EVA1C: variants seen among roughly 807,000 people sequenced by gnomAD.
EVA1C encodes protein eva-1 homolog C.
In EVA1C, 25 loss-of-function variants were observed where a neutral mutation model predicts 45.4. That is an observed-to-expected ratio of 0.55 (90% CI 0.40 to 0.77). EVA1C has a LOEUF of 0.77. EVA1C is among the 30% of genes least tolerant of loss of function. The pLI, the probability that EVA1C is intolerant of heterozygous loss-of-function variation, is 0.00. For missense variants in EVA1C, 479 were observed against 554.8 expected, an observed-to-expected ratio of 0.86 and a Z score of 1.37; for synonymous variants, 190 against 221.2, an observed-to-expected ratio of 0.86 and a Z score of 1.25.
At chr21:32,465,990 AC>A (rs1453567617) in intron 3 of EVA1C, among the ~76,000 whole-genome samples, 1 of 151,026 alleles carries the variant, frequency 6.6e-6, no homozygotes, top group Non-Finnish European at 1.5e-5. Context: ...TCACTCTGTG[AC>A]CTCACCTTCA....
intron 1 of EVA1C, chr21:32,433,296 T>C (rs935073488): frequency 3.3e-5 from 5 of 152,482 alleles, no homozygotes; most frequent in Admixed American, 3.3e-4. Context: ...GTTTGCCTCC[T>C]GTGCGTATGT....
chr21:32,435,334 G>A (rs1225841560), intron 1 of EVA1C, among the ~76,000 whole-genome samples: 1 of 152,122 alleles, frequency 6.6e-6, no homozygotes, highest in Non-Finnish European at 1.5e-5. Context: ...GATTACAAGT[G>A]TGAGCCACCA....
At chr21:32,510,918 T>C (rs2037925626) in intron 7 of EVA1C, among the ~76,000 whole-genome samples, 1 of 152,138 alleles carries the variant, frequency 6.6e-6, no homozygotes, top group African/African-American at 2.4e-5. Flanking sequence ...TACATGCCTG[T>C]AGTCCCAGCT....
At chr21:32,466,419 A>C (rs1274094909) in intron 3 of EVA1C, among the ~76,000 whole-genome samples, 6 of 91,348 alleles carry the variant, frequency 6.6e-5, no homozygotes, top group Non-Finnish European at 1.5e-4. Context: ...ATTCCGTCTC[A>C]AAAAAAAAAA....
chr21:32,457,477 C>A, intron 2 of EVA1C, 120 bp from the exon 3 acceptor site: 1 of 1,154,894 alleles, frequency 8.7e-7, no homozygotes, highest in Non-Finnish European at 1.3e-6. Flanking sequence ...GCCTTAGACA[C>A]AGCTTGGCCA....
At chr21:32,493,173 A>G (rs1601412793) in intron 4 of EVA1C, among the ~76,000 whole-genome samples, 1 of 152,062 alleles carries the variant, frequency 6.6e-6, no homozygotes, top group Admixed American at 6.6e-5. Context: ...GAACTTTGCA[A>G]AGTCTCTAAA....
intron 1 of EVA1C, among the ~76,000 whole-genome samples, chr21:32,423,773 G>A (rs1456106823): frequency 6.6e-6 from 1 of 152,120 alleles, no homozygotes; most frequent in Non-Finnish European, 1.5e-5. Context: ...CTTAGGGTTC[G>A]TTTCAATCTG....
intron 1 of EVA1C, among the ~76,000 whole-genome samples, chr21:32,450,290 C>T (rs1352128041): frequency 1.3e-5 from 2 of 152,008 alleles, no homozygotes; most frequent in African/African-American, 2.4e-5. Flanking sequence ...TTCCCACTCA[C>T]GTGACAGTCT....
intron 1 of EVA1C, among the ~76,000 whole-genome samples, chr21:32,416,992 G>A (rs1470919779): frequency 6.6e-6 from 1 of 152,218 alleles, no homozygotes; most frequent in East Asian, 1.9e-4. Flanking sequence ...GTCATGCTCT[G>A]CTGCCCAGGC....
intron 7 of EVA1C, among the ~76,000 whole-genome samples, chr21:32,510,050 T>C (rs534958008): frequency 4.7e-5 from 7 of 148,690 alleles, no homozygotes; most frequent in South Asian, 2.2e-4. Flanking sequence ...TTCCTTTTTT[T>C]TTTTTTTTTT....
intron 7 of EVA1C, among the ~76,000 whole-genome samples, chr21:32,504,392 C>T (rs1290892947): frequency 6.6e-6 from 1 of 152,196 alleles, no homozygotes; most frequent in African/African-American, 2.4e-5. Context: ...ACTTAGTAAA[C>T]AAGACAGATC....
rs566223178 is a variant in EVA1C at position 32,514,921 on chromosome 21, G to A, written c.1057G>A (p.Asp353Asn). The change falls in exon 8 of 8, where the codon GAC becomes AAC. Residue 353 changes from aspartate (D) to asparagine (N), a missense_variant. Transcript: ENST00000300255. ...AGAGTCCTGTGCCAAGGACTTCCGC[G>A]ACTTGCAGCTGGGGAGGGAGCAGCT... The part of the protein sequence containing the change: ...IRESCAKDFR[D>N]LQLGREQLVP... 50 of 1,614,128 alleles carry A rather than the reference G, an allele frequency of 3.1e-5. No homozygotes were observed. Among genetic ancestry groups the A allele is most frequent in the Middle Eastern group, 1.7e-4 (1 of 6,044 alleles).
At chr21:32,466,839 AAATT>A (rs2036193704) in intron 3 of EVA1C, among the ~76,000 whole-genome samples, 1 of 148,878 alleles carries the variant, frequency 6.7e-6, no homozygotes, top group Non-Finnish European at 1.5e-5. Context: ...TTTTTTTTTT[AAATT>A]AGAGATGAGG....
intron 4 of EVA1C, among the ~76,000 whole-genome samples, chr21:32,480,016 T>C (rs1192033719): frequency 6.6e-6 from 1 of 152,172 alleles, no homozygotes; most frequent in Non-Finnish European, 1.5e-5. Flanking sequence ...AGCCTTGATG[T>C]TTGGAATACC....
At position 32,515,002 on chromosome 21, in the gene EVA1C, G is replaced by T. The variant is rs759921009; in HGVS notation, c.1138G>T (p.Asp380Tyr). ...CAGCGAGGATGAAGAAGAGGAGGAG[G>T]ACCCCTCTGAGTCTGATTTCCCAGG... ...EDSEDEEEEE[D>Y]PSESDFPGEL... is the part of the protein sequence containing the mutation. Residue 380 changes from aspartate to tyrosine, a missense_variant, in exon 8 of 8, where the codon GAC becomes TAC. Coordinates refer to ENST00000300255, the MANE Select transcript of EVA1C (RefSeq NM_058187.5). 1 of 1,614,074 alleles carries T rather than the reference G, an allele frequency of 6.2e-7. No homozygotes were observed. The highest frequency in any genetic ancestry group is 1.7e-5 in the Admixed American group (1 of 60,018).
At chr21:32,416,350 A>G (rs1394222947) in intron 1 of EVA1C, among the ~76,000 whole-genome samples, 1 of 124,690 alleles carries the variant, frequency 8.0e-6, no homozygotes, top group African/African-American at 3.0e-5. Context: ...TCTTTTTGAG[A>G]CGCAGTTTCA....
At chr21:32,434,434 AC>A (rs1007182036) in intron 1 of EVA1C, among the ~76,000 whole-genome samples, 1 of 149,486 alleles carries the variant, frequency 6.7e-6, no homozygotes, top group African/African-American at 2.5e-5. Context: ...TACTAAAAAT[AC>A]AAAAAATTAG....
intron 1 of EVA1C, among the ~76,000 whole-genome samples, chr21:32,415,550 G>A (rs904892985): frequency 6.6e-6 from 1 of 152,012 alleles, no homozygotes; most frequent in Non-Finnish European, 1.5e-5. Context: ...TTTTCCTGGG[G>A]CTGTCAGCTG....
At chr21:32,494,261 C>G (rs1000546857) in intron 4 of EVA1C, among the ~76,000 whole-genome samples, 2 of 152,216 alleles carry the variant, frequency 1.3e-5, no homozygotes, top group African/African-American at 4.8e-5. Flanking sequence ...CAGATATTTA[C>G]TTGCCTTCTA....
Sources: gnomAD v4.1 joint callset for allele counts (sites outside exome capture counted in the v4.1 genomes callset) on GRCh38, gnomAD v4.1.1 for gene constraint, MANE v1.5 for transcripts, NCBI Gene and HGNC (gene_info 2026-07-23, HGNC 2026-07-21) for gene names.